Variants in CBX1 observed in about 807,000 individuals in gnomAD.
CBX1 encodes the protein chromobox 1.
Under a neutral mutation model 25.1 loss-of-function variants are expected in CBX1, and 10 were observed. The observed-to-expected ratio is 0.40, with a 90% CI of 0.25 to 0.68. CBX1 has a LOEUF of 0.68. Ranked by LOEUF, CBX1 falls within the 30% of genes least tolerant of loss-of-function variation. The pLI is 0.40. For missense variants in CBX1, 106 were observed against 218.5 expected, an observed-to-expected ratio of 0.49 and a Z score of 3.25; for synonymous variants, 63 against 79.4, an observed-to-expected ratio of 0.79 and a Z score of 1.10.
intron 1 of CBX1, among the ~76,000 whole-genome samples, chr17:48,096,133 C>T (rs144673740): frequency 6.6e-6 from 1 of 152,318 alleles, no homozygotes; most frequent in East Asian, 1.9e-4. Context: ...CCCATCTAGG[C>T]CTCCCATAGT....
chr17:48,075,000 A>C lies in CBX1; in HGVS notation c.413+6T>G. The stretch of plus-strand genomic sequence containing the variant: ...AACAACCACACAGAGCCACTGGCCG[A>C]CTCACCATTTCATCAGGAACATGAG... On this transcript the variant is annotated splice_donor_region_variant and intron_variant, in intron 4 of 4. Coordinates refer to ENST00000225603, the MANE Select transcript of CBX1 (RefSeq NM_001127228.2). The C allele has an allele frequency of 6.2e-7, 1 of 1,601,086 alleles. No homozygotes were observed. The highest frequency in any genetic ancestry group is 8.6e-7 in the Non-Finnish European group (1 of 1,168,182).
At chr17:48,082,311 G>C (rs2037746456) in intron 1 of CBX1, among the ~76,000 whole-genome samples, 1 of 151,836 alleles carries the variant, frequency 6.6e-6, no homozygotes, top group Admixed American at 6.6e-5. Context: ...GCCCATCCTG[G>C]CTAACACGGT....
At chr17:48,081,605 AT>A (rs1283953569) in intron 1 of CBX1, among the ~76,000 whole-genome samples, 1 of 151,896 alleles carries the variant, frequency 6.6e-6, no homozygotes, top group Non-Finnish European at 1.5e-5. Flanking sequence ...TGCCCAGCTA[AT>A]TTTTTTAATA....
intron 1 of CBX1, among the ~76,000 whole-genome samples, chr17:48,099,349 C>T (rs2063394552): frequency 6.6e-6 from 1 of 152,138 alleles, no homozygotes; most frequent in Non-Finnish European, 1.5e-5. Context: ...CATGATCCGC[C>T]CACCTCAGAC....
rs376313657 is a variant in CBX1 at position 48,094,639 on chromosome 17, A to G, written c.-38+6629T>C. ...CAGCTACTCAAGAAGCTGAGGCACGATAATTGCTTGAATCCGGAAAACGGG... is the reference window on the plus strand; with the variant it reads ...CAGCTACTCAAGAAGCTGAGGCACGGTAATTGCTTGAATCCGGAAAACGGG... On this transcript the variant is annotated intron_variant, in intron 1 of 4. Transcript: ENST00000225603. 6.0e-5 allele frequency among the ~76,000 whole-genome samples: 9 copies of G among 150,600 alleles called. No homozygotes were observed. In the East Asian group the frequency reaches 1.2e-3, roughly 20 times the overall value.
intron 1 of CBX1, among the ~76,000 whole-genome samples, chr17:48,086,252 A>G (rs2063310700): frequency 6.6e-6 from 1 of 152,158 alleles, no homozygotes; most frequent in Non-Finnish European, 1.5e-5. Flanking sequence ...AGAAAATGTA[A>G]AGAAGCAACA....
In CBX1 at chr17:48,101,312, G is replaced by A. The variant is rs3744347; in HGVS notation, c.-82C>T. 764,348 of 986,212 alleles carry A rather than the reference G, an allele frequency of 0.78. 299,080 individuals are homozygous for A. The highest frequency in any genetic ancestry group is 0.81 in the East Asian group (7,112 of 8,786). The allele number at this position is 986,212 out of a possible 1,614,324, so 61.1% of individuals were successfully genotyped here. On this transcript the variant is annotated 5_prime_UTR_variant, in exon 1 of 5. Transcript: ENST00000225603. ...GCCCGAGAGGAATCGGTGCTGCGCT[G>A]CTGGCGCGTCGCGTCGGGTCGCCTG...
At chr17:48,094,965 T>C (rs1043064989) in intron 1 of CBX1, among the ~76,000 whole-genome samples, 13 of 151,056 alleles carry the variant, frequency 8.6e-5, no homozygotes, top group African/African-American at 2.7e-4. Context: ...AAGAATTACT[T>C]GAACCAGGCA....
intron 1 of CBX1, among the ~76,000 whole-genome samples, chr17:48,082,900 CTT>C (rs1247588566): frequency 3.9e-4 from 51 of 130,072 alleles, no homozygotes; most frequent in Middle Eastern, 5.2e-3. Flanking sequence ...GAATTTCGCT[CTT>C]GTCACCCAGG....
At chr17:48,075,489 G>A (rs1027553695) in intron 3 of CBX1, among the ~76,000 whole-genome samples, 2 of 152,096 alleles carry the variant, frequency 1.3e-5, no homozygotes, top group Non-Finnish European at 1.5e-5. Flanking sequence ...CACCGTGCCC[G>A]GCCCAATCAC....
chr17:48,091,165 A>C (rs2063341801), intron 1 of CBX1, among the ~76,000 whole-genome samples: 1 of 152,238 alleles, frequency 6.6e-6, no homozygotes, highest in Non-Finnish European at 1.5e-5. Flanking sequence ...TCTGAGGAAA[A>C]GAAACATGGC....
chr17:48,081,888 C>T (rs778512055), intron 1 of CBX1, among the ~76,000 whole-genome samples: 1 of 152,174 alleles, frequency 6.6e-6, no homozygotes, highest in Non-Finnish European at 1.5e-5. Flanking sequence ...AGATTCCCAG[C>T]CAGCCTTCCC....
chr17:48,092,568 C>G (rs1378340434), intron 1 of CBX1, among the ~76,000 whole-genome samples: 1 of 151,684 alleles, frequency 6.6e-6, no homozygotes, highest in East Asian at 2.0e-4. Context: ...ATTCTCCTGC[C>G]TCAGCCTCCT....
In CBX1 at chr17:48,071,853, C is replaced by G. The variant is rs541054490; in HGVS notation, c.414-274G>C. Among the ~76,000 whole-genome samples the G allele has an allele frequency of 2.0e-5, 3 of 152,166 alleles. No individual in the cohort carries two copies. The South Asian group carries it at 6.2e-4, about 32-fold the overall frequency. ...ATCACATCTGAACATCTGGGCAAGG[C>G]CCCAAAAAGCATGACTCTCTAGATT... On this transcript the variant is annotated intron_variant, in intron 4 of 4. Coordinates refer to ENST00000225603, the MANE Select transcript of CBX1 (RefSeq NM_001127228.2).
rs1187522975 is a variant in CBX1 at position 48,070,069 on chromosome 17, A to T, written c.*1366T>A. Reference sequence around the variant, plus strand: ...GACAGAAATCAGGGATTATAAATCTATAGTTTTATTAAGACAAAAACTGAC... The same window carrying T: ...GACAGAAATCAGGGATTATAAATCTTTAGTTTTATTAAGACAAAAACTGAC... On this transcript the variant is annotated 3_prime_UTR_variant, in exon 5 of 5. Coordinates refer to ENST00000225603, the MANE Select transcript of CBX1 (RefSeq NM_001127228.2). 1 of 152,690 alleles carries T rather than the reference A, an allele frequency of 6.5e-6. No individual in the cohort carries two copies. Among genetic ancestry groups the T allele is most frequent in the Non-Finnish European group, 1.5e-5 (1 of 68,050 alleles). The allele number at this position is 152,690 out of a possible 1,614,324, so 9.5% of individuals were successfully genotyped here. A position where few individuals can be genotyped will look rare whatever the true frequency, so the allele number is the denominator to read the frequency against.
chr17:48,100,334 T>C (rs2144481733), intron 1 of CBX1, among the ~76,000 whole-genome samples: 1 of 152,096 alleles, frequency 6.6e-6, no homozygotes, highest in East Asian at 1.9e-4. Flanking sequence ...CCTCAACTAT[T>C]AACTCATCTA....
rs151337220 is a variant in CBX1, at chr17:48,094,357, T to G, written c.-38+6911A>C. ...GCTAAAGCAGGAGAATTCCTTGAAC[T>G]TGGGAGGTGAAGGCTGCAGTGAACC... On this transcript the variant is annotated intron_variant, in intron 1 of 4. Transcript: ENST00000225603. 4.0e-5 allele frequency among the ~76,000 whole-genome samples: 6 copies of G among 149,334 alleles called. No homozygotes were observed. The East Asian group carries it at 1.0e-3, about 25-fold the overall frequency.
At chr17:48,088,874 T>C (rs1275156060) in intron 1 of CBX1, 1 of 150,630 alleles carries the variant, frequency 6.6e-6, no homozygotes, top group Non-Finnish European at 1.5e-5. Flanking sequence ...TTCCATTGTA[T>C]GGTTTCCTTT....
intron 1 of CBX1, among the ~76,000 whole-genome samples, chr17:48,078,788 T>C (rs1395400747): frequency 1.3e-5 from 1 of 78,274 alleles, no homozygotes; most frequent in Non-Finnish European, 2.4e-5. Flanking sequence ...GTGCCTGGAC[T>C]TTTTTTTTTT....
Sources: allele counts gnomAD v4.1 joint callset (sites outside exome capture counted in the v4.1 genomes callset), GRCh38; gene constraint gnomAD v4.1.1; transcripts MANE v1.5; gene names NCBI Gene and HGNC (gene_info 2026-07-23, HGNC 2026-07-21).